The following PPFIA2 variants were observed in gnomAD, a reference collection of about 807,000 sequenced individuals.
PPFIA2 encodes liprin-alpha-2.
PPFIA2 carries 46 observed loss-of-function variants against 175.5 expected under a neutral mutation model. That is an observed-to-expected ratio of 0.26 (90% confidence interval 0.21 to 0.34). The LOEUF (loss-of-function observed/expected upper bound fraction) is 0.34. PPFIA2 is among the 10% of genes least tolerant of loss of function. The pLI is 1.00. For synonymous variants in PPFIA2, 568 were observed against 511.4 expected (o/e 1.11, Z -1.49); for missense variants, 1,179 against 1,506.1 (o/e 0.78, Z 3.60).
chr12:81,302,306 G>A, intron 22 of PPFIA2: 1 of 263,732 alleles, frequency 3.8e-6, no homozygotes, highest in South Asian at 3.7e-5. Context: ...GATCCCAAGA[G>A]TCTGATCTAT....
chr12:81,389,284 C>T (rs1487665254), intron 8 of PPFIA2, among the ~76,000 whole-genome samples: 2 of 151,100 alleles, frequency 1.3e-5, no homozygotes, highest in African/African-American at 2.4e-5. Flanking sequence ...CAATTCTGTG[C>T]ACCTGCGCTC....
At chr12:81,693,400 T>C (rs976615492) in intron 3 of PPFIA2, among the ~76,000 whole-genome samples, 6 of 152,024 alleles carry the variant, frequency 3.9e-5, no homozygotes, top group Admixed American at 3.3e-4. Flanking sequence ...TCTAACTTTC[T>C]TTTGGTTGCT....
intron 4 of PPFIA2, among the ~76,000 whole-genome samples, chr12:81,575,764 T>C (rs1014432117): frequency 6.6e-6 from 1 of 151,738 alleles, no homozygotes; most frequent in Non-Finnish European, 1.5e-5. Flanking sequence ...CAGTTGCATA[T>C]GTAAGTATCA....
At chr12:81,721,571 T>TG (rs1161416623) in intron 3 of PPFIA2, among the ~76,000 whole-genome samples, 1 of 151,362 alleles carries the variant, frequency 6.6e-6, no homozygotes, top group Non-Finnish European at 1.5e-5. Context: ...TCAAAAGAAT[T>TG]GGGGGTCTCA....
chr12:81,676,026 C>T (rs2153569164), intron 4 of PPFIA2, among the ~76,000 whole-genome samples: 1 of 152,102 alleles, frequency 6.6e-6, no homozygotes, highest in Admixed American at 6.6e-5. Context: ...AAGTACTTCA[C>T]CTACATGCCT....
At chr12:81,565,686 A>T (rs1157549371) in intron 4 of PPFIA2, among the ~76,000 whole-genome samples, 1 of 152,206 alleles carries the variant, frequency 6.6e-6, no homozygotes, top group Non-Finnish European at 1.5e-5. Context: ...TCCTAAACAC[A>T]GTGTTAAACT....
chr12:81,460,981 C>G (rs1206017414), intron 4 of PPFIA2, among the ~76,000 whole-genome samples: 1 of 152,008 alleles, frequency 6.6e-6, no homozygotes, highest in Non-Finnish European at 1.5e-5. Context: ...ACCACATTTT[C>G]CCTTCTGATT....
At chr12:81,532,506 T>A (rs1183305173) in intron 4 of PPFIA2, among the ~76,000 whole-genome samples, 1 of 151,816 alleles carries the variant, frequency 6.6e-6, no homozygotes, top group Non-Finnish European at 1.5e-5. Context: ...CTAGTTTACA[T>A]GGGTTCCATT....
Position 81,618,253 on chromosome 12 carries a change from CTGTGTGTG to C in PPFIA2, c.303+58530_303+58537del, listed in dbSNP as rs71669706. On this transcript the variant is annotated intron_variant, in intron 4 of 32. Coordinates refer to ENST00000549396, the MANE Select transcript of PPFIA2 (RefSeq NM_003625.5). Reference sequence around the variant, plus strand: ...CATTGCATTTTTACTATGTGTAAATCTGTGTGTGTGTGTGTGTGTGTGTGTGTGTATTC... The same window carrying C: ...CATTGCATTTTTACTATGTGTAAATCTGTGTGTGTGTGTGTGTGTGTATTC... Among the ~76,000 whole-genome samples the C allele has an allele frequency of 2.0e-4, 29 of 148,698 alleles. No homozygotes were observed. The East Asian group carries it at 2.8e-3, about 14-fold the overall frequency.
chr12:81,337,821 C>T (rs576598486), intron 21 of PPFIA2, among the ~76,000 whole-genome samples: 2 of 152,196 alleles, frequency 1.3e-5, no homozygotes, highest in African/African-American at 4.8e-5. Flanking sequence ...ATTTGGTCAA[C>T]CACTAGTTGT....
intron 8 of PPFIA2, among the ~76,000 whole-genome samples, chr12:81,390,388 C>T (rs1158195181): frequency 6.6e-6 from 1 of 151,982 alleles, no homozygotes; most frequent in Non-Finnish European, 1.5e-5. Context: ...TTGTACATTC[C>T]TACCAGCAAT....
intron 4 of PPFIA2, among the ~76,000 whole-genome samples, chr12:81,470,330 T>C (rs557565011): frequency 1.1e-3 from 160 of 152,346 alleles, no homozygotes; most frequent in African/African-American, 3.4e-3. Context: ...CATGGAAAGC[T>C]GTTCCACATC....
intron 4 of PPFIA2, among the ~76,000 whole-genome samples, chr12:81,486,062 T>G (rs1055852354): frequency 1.3e-5 from 2 of 152,096 alleles, no homozygotes; most frequent in East Asian, 3.9e-4. Context: ...TTTAGCGTTA[T>G]AAATTAATTT....
At chr12:81,428,360 G>T (rs796967885) in intron 7 of PPFIA2, among the ~76,000 whole-genome samples, 7 of 152,058 alleles carry the variant, frequency 4.6e-5, no homozygotes, top group African/African-American at 1.4e-4. Flanking sequence ...TTAGATAATT[G>T]CTTCACACAA....
intron 4 of PPFIA2, among the ~76,000 whole-genome samples, chr12:81,578,026 G>A (rs1434798844): frequency 2.0e-5 from 3 of 151,568 alleles, no homozygotes; most frequent in Non-Finnish European, 3.0e-5. Context: ...CTTTCATTCT[G>A]TGAATGAAAA....
At chr12:81,427,988 C>A (rs923082149) in intron 7 of PPFIA2, among the ~76,000 whole-genome samples, 1 of 151,894 alleles carries the variant, frequency 6.6e-6, no homozygotes, top group African/African-American at 2.4e-5. Flanking sequence ...TATTCTTTAA[C>A]TTTTTATCTT....
chr12:81,592,995 A>T (rs1315029590), intron 4 of PPFIA2, among the ~76,000 whole-genome samples: 2 of 151,764 alleles, frequency 1.3e-5, no homozygotes, highest in Non-Finnish European at 2.9e-5. Flanking sequence ...TGAGCTCAGG[A>T]GTTCCACTTG....
intron 4 of PPFIA2, among the ~76,000 whole-genome samples, chr12:81,531,536 A>G (rs2064561609): frequency 6.6e-6 from 1 of 151,764 alleles, no homozygotes; most frequent in South Asian, 2.1e-4. Context: ...CATTTAGTCA[A>G]CTTACAAAGG....
chr12:81,370,827 C>T (rs577677689), intron 11 of PPFIA2, among the ~76,000 whole-genome samples: 11 of 151,978 alleles, frequency 7.2e-5, no homozygotes, highest in African/African-American at 2.2e-4. Flanking sequence ...GTAATTATTA[C>T]ATTTAAAGGA....
Sources: gnomAD v4.1 joint callset for allele counts (sites outside exome capture counted in the v4.1 genomes callset) on GRCh38, gnomAD v4.1.1 for gene constraint, MANE v1.5 for transcripts, NCBI Gene and HGNC (gene_info 2026-07-23, HGNC 2026-07-21) for gene names.